KIAA1217: variants seen among roughly 807,000 people sequenced by gnomAD.
The protein encoded by KIAA1217 is KIAA1217, also known as sickle tail protein homolog.
Under a neutral mutation model 163.9 loss-of-function variants are expected in KIAA1217, and 88 were observed. The ratio of observed to expected loss-of-function variants is 0.54; its 90% CI spans 0.45 to 0.64. KIAA1217 has a LOEUF of 0.64. Among genes scored for constraint, KIAA1217 ranks in the 30% least tolerant of loss-of-function variants. KIAA1217 has a pLI of 0.00. For synonymous variants in KIAA1217, 903 were observed against 923.1 expected (o/e 0.98, Z 0.39); for missense variants, 2,372 against 2,475.0 (o/e 0.96, Z 0.88).
intron 2 of KIAA1217, among the ~76,000 whole-genome samples, chr10:24,304,205 CTTT>C (rs35675149): frequency 1.8e-4 from 22 of 125,482 alleles, no homozygotes; most frequent in Admixed American, 2.4e-4. Context: ...ATTAGGTTAC[CTTT>C]TTTTTTTTTT....
At chr10:24,212,841 AC>A (rs1427221897) in intron 1 of KIAA1217, among the ~76,000 whole-genome samples, 1 of 152,200 alleles carries the variant, frequency 6.6e-6, no homozygotes, top group Non-Finnish European at 1.5e-5. Flanking sequence ...CTAACAGAGC[AC>A]TGGGCAACCT....
intron 5 of KIAA1217, among the ~76,000 whole-genome samples, chr10:24,469,602 A>T (rs2063287190): frequency 6.6e-6 from 1 of 152,096 alleles, no homozygotes; most frequent in Non-Finnish European, 1.5e-5. Flanking sequence ...AGAGGGTTCT[A>T]GATATTATAT....
chr10:24,099,137 G>C (rs1589491302), intron 2 of KIAA1217, among the ~76,000 whole-genome samples: 1 of 151,898 alleles, frequency 6.6e-6, no homozygotes, highest in East Asian at 1.9e-4. Flanking sequence ...AGTTGGGAAG[G>C]CCCTTTTCTT....
At chr10:24,151,211 G>A (rs555976625) in intron 2 of KIAA1217, among the ~76,000 whole-genome samples, 1 of 152,112 alleles carries the variant, frequency 6.6e-6, no homozygotes, top group South Asian at 2.1e-4. Flanking sequence ...GGTGGGGGAA[G>A]AACATATTAA....
In KIAA1217 at chr10:23,695,507, G is replaced by A. The variant is rs1348699554; in HGVS notation, c.-321+273G>A. The stretch of plus-strand genomic sequence containing the variant: ...ACCGGACCCCGGGGATCTCAGAAAG[G>A]GAAGGATGTGGGGAGAGTGAAGGTG... On this transcript the variant is annotated intron_variant, in intron 1 of 18. Coordinates refer to the KIAA1217 transcript ENST00000376462. This position sits in a 1 kb window ranked among gnomAD's most constrained non-coding sequence, Gnocchi z 4.9. 6.6e-6 allele frequency among the ~76,000 whole-genome samples: 1 copy of A among 152,166 alleles called. No individual in the cohort carries two copies. The highest frequency in any genetic ancestry group is 1.9e-4 in the East Asian group (1 of 5,150).
chr10:23,915,033 T>A (rs888112287), intron 1 of KIAA1217, among the ~76,000 whole-genome samples: 3 of 149,942 alleles, frequency 2.0e-5, no homozygotes. Flanking sequence ...ACCCGACCTG[T>A]GACAGAAGAA....
At chr10:23,793,450 C>G (rs1325587796) in intron 1 of KIAA1217, among the ~76,000 whole-genome samples, 2 of 152,162 alleles carry the variant, frequency 1.3e-5, no homozygotes, top group African/African-American at 4.8e-5. Flanking sequence ...CCTGTTCATG[C>G]CTGTCTTTAC....
At chr10:23,983,122 C>G (rs918543770) in intron 1 of KIAA1217, among the ~76,000 whole-genome samples, 1 of 151,842 alleles carries the variant, frequency 6.6e-6, no homozygotes, top group Admixed American at 6.6e-5. Context: ...ACAGGCAATC[C>G]TCTTAAGGCA....
At chr10:24,437,938 A>T (rs530542221) in intron 4 of KIAA1217, among the ~76,000 whole-genome samples, 8 of 150,454 alleles carry the variant, frequency 5.3e-5, no homozygotes, top group African/African-American at 1.9e-4. Flanking sequence ...AAAAGAAAAA[A>T]ATCTTCTTTC....
At chr10:23,845,044 A>G (rs12252655) in intron 1 of KIAA1217, among the ~76,000 whole-genome samples, 2,971 of 152,208 alleles carry the variant, frequency 0.02, 103 homozygotes, top group Admixed American at 0.051. Context: ...AGCTTCATCC[A>G]TGTCCCTGCA....
intron 1 of KIAA1217, among the ~76,000 whole-genome samples, chr10:23,772,528 A>G (rs1834842559): frequency 6.6e-6 from 1 of 152,174 alleles, no homozygotes; most frequent in Admixed American, 6.5e-5. Flanking sequence ...AAGCATTTGG[A>G]TGGTACTGAC....
At chr10:23,866,244 C>T (rs1185813835) in intron 1 of KIAA1217, among the ~76,000 whole-genome samples, 1 of 152,072 alleles carries the variant, frequency 6.6e-6, no homozygotes, top group Non-Finnish European at 1.5e-5. Flanking sequence ...ACCTTCTCAT[C>T]TCAATGAAAG....
intron 2 of KIAA1217, among the ~76,000 whole-genome samples, chr10:24,155,239 C>A (rs2064821462): frequency 6.6e-6 from 1 of 152,116 alleles, no homozygotes; most frequent in South Asian, 2.1e-4. Context: ...TTCCTTTTTG[C>A]CCTTGACAAA....
intron 1 of KIAA1217, among the ~76,000 whole-genome samples, chr10:23,767,242 A>T (rs1472710737): frequency 1.3e-5 from 2 of 152,202 alleles, no homozygotes; most frequent in African/African-American, 4.8e-5. Context: ...ATGAGGACTA[A>T]GCTGGGCTTT....
chr10:24,036,593 CT>C (rs999144588), intron 2 of KIAA1217, among the ~76,000 whole-genome samples: 35 of 152,310 alleles, frequency 2.3e-4, no homozygotes, highest in African/African-American at 8.2e-4. Flanking sequence ...GCATCTGCTC[CT>C]GGTGAGGCCT....
At chr10:24,307,185 T>G (rs1402686275) in intron 2 of KIAA1217, among the ~76,000 whole-genome samples, 1 of 152,244 alleles carries the variant, frequency 6.6e-6, no homozygotes, top group Non-Finnish European at 1.5e-5. Flanking sequence ...TTCAAAGTTC[T>G]TGGCAAGTCT....
At chr10:24,040,543 T>A (rs1950351767) in intron 2 of KIAA1217, among the ~76,000 whole-genome samples, 1 of 152,258 alleles carries the variant, frequency 6.6e-6, no homozygotes, top group African/African-American at 2.4e-5. Context: ...GTAAAAGGGC[T>A]AGCTTAAATT....
intron 3 of KIAA1217, among the ~76,000 whole-genome samples, chr10:24,419,124 C>G (rs960969491): frequency 1.4e-4 from 20 of 147,286 alleles, no homozygotes; most frequent in African/African-American, 5.0e-4. Context: ...TTGCAGTGAT[C>G]ACACCACTGC....
chr10:23,781,476 G>T (rs1307065761), intron 1 of KIAA1217, among the ~76,000 whole-genome samples: 1 of 152,106 alleles, frequency 6.6e-6, no homozygotes, highest in East Asian at 1.9e-4. Context: ...TATGTATTTT[G>T]GACATTAACC....
Sources: allele counts gnomAD v4.1 joint callset (sites outside exome capture counted in the v4.1 genomes callset), GRCh38; gene constraint gnomAD v4.1.1; non-coding constraint Gnocchi (gnomAD v3.1); transcripts MANE v1.5; gene names NCBI Gene and HGNC (gene_info 2026-07-23, HGNC 2026-07-21).